DPP9: variants seen among roughly 807,000 people sequenced by gnomAD.
The protein encoded by DPP9 is dipeptidyl peptidase 9, also known as dipeptidyl peptidase IV-related protein-2.
Under a neutral mutation model 110.7 loss-of-function variants are expected in DPP9, and 50 were observed. That is an observed-to-expected ratio of 0.45 (90% CI 0.36 to 0.57). The LOEUF is 0.57. DPP9 is among the 20% of genes least tolerant of loss of function. DPP9 has a pLI of 0.00. For missense variants in DPP9, 1,022 were observed against 1,217.9 expected, an observed-to-expected ratio of 0.84 and a Z score of 2.39; for synonymous variants, 561 against 514.4, an observed-to-expected ratio of 1.09 and a Z score of -1.23.
chr19:4,682,580 C>T lies in DPP9; in HGVS notation c.2474+116G>A. 6.9e-7 allele frequency: 1 copy of T among 1,456,864 alleles called. No individual in the cohort carries two copies. Among genetic ancestry groups the T allele is most frequent in the Non-Finnish European group, 9.2e-7 (1 of 1,086,522 alleles). 90.2% of individuals were successfully genotyped at this position (1,456,864 alleles called of 1,614,324 possible). Reference sequence around the variant, plus strand: ...AGCACAGCGGGGAGGCTCCACATGGCCTGAGGCTCCCTGGGCAGGGCCAGC... The same window carrying T: ...AGCACAGCGGGGAGGCTCCACATGGTCTGAGGCTCCCTGGGCAGGGCCAGC... On this transcript the variant is annotated intron_variant, in intron 20 of 21. Coordinates refer to ENST00000262960, the MANE Select transcript of DPP9 (RefSeq NM_139159.5). This position sits in a 1 kb window ranked among gnomAD's most constrained non-coding sequence, Gnocchi z 7.1.
In DPP9 at chr19:4,710,960, C is replaced by G. The variant is rs945305583; in HGVS notation, c.313+3121G>C. Among the ~76,000 whole-genome samples the G allele has an allele frequency of 1.3e-5, 2 of 152,152 alleles. No homozygotes were observed. Among genetic ancestry groups the G allele is most frequent in the African/African-American group, 4.8e-5 (2 of 41,450 alleles). On this transcript the variant is annotated intron_variant, in intron 4 of 21. Transcript: ENST00000262960. This position sits in a 1 kb window ranked among gnomAD's most constrained non-coding sequence, Gnocchi z 5.6. Reference sequence around the variant, plus strand: ...CCTGTCCCAGCCCCAGACACACACACGAGCCACAGGCGACCCGACGATCTC... The same window carrying G: ...CCTGTCCCAGCCCCAGACACACACAGGAGCCACAGGCGACCCGACGATCTC...
At position 4,689,348 on chromosome 19, in the gene DPP9, G is replaced by A. The variant is rs929336183; in HGVS notation, c.1749+222C>T. Among the ~76,000 whole-genome samples the A allele has an allele frequency of 6.6e-6, 1 of 152,216 alleles. No individual in the cohort carries two copies. The highest frequency in any genetic ancestry group is 2.4e-5 in the African/African-American group (1 of 41,466). Reference sequence around the variant, plus strand: ...AGCCCCAGCTCAGCGGACGGGCACTGGGGGGCTCCACCACTTACTACCCTG... The same window carrying A: ...AGCCCCAGCTCAGCGGACGGGCACTAGGGGGCTCCACCACTTACTACCCTG... On this transcript the variant is annotated intron_variant, in intron 15 of 21. Coordinates refer to ENST00000262960, the MANE Select transcript of DPP9 (RefSeq NM_139159.5). The surrounding 1 kb of genome is among the most constrained non-coding windows in gnomAD (Gnocchi z 7.0).
At position 4,682,856 on chromosome 19, in the gene DPP9, C is replaced by CAGAT; in HGVS notation, c.2332-22_2332-19dup. 6.4e-7 allele frequency: 1 copy of CAGAT among 1,569,962 alleles called. No homozygotes were observed. Among genetic ancestry groups the CAGAT allele is most frequent in the Non-Finnish European group, 8.6e-7 (1 of 1,158,986 alleles). ...ATGGCCACCTGAGGGACACAGCAGA[C>CAGAT]AGATGGGGGCAGAGAGAGAGAGAGA... On this transcript the variant is annotated intron_variant, in intron 19 of 21. Transcript: ENST00000262960. This position sits in a 1 kb window ranked among gnomAD's most constrained non-coding sequence, Gnocchi z 7.1.
At chr19:4,697,032 G>A (rs746567792) in intron 11 of DPP9, among the ~76,000 whole-genome samples, 35 of 152,016 alleles carry the variant, frequency 2.3e-4, no homozygotes, top group Non-Finnish European at 4.4e-4. Flanking sequence ...CTGGGAATTC[G>A]GGGCTGCAGT....
chr19:4,680,670 A>AT (rs1397396950), intron 20 of DPP9, among the ~76,000 whole-genome samples: 2 of 151,286 alleles, frequency 1.3e-5, no homozygotes, highest in Non-Finnish European at 2.9e-5. Context: ...AAAAAAAAAA[A>AT]AAAATGCTGA....
At chr19:4,707,395 C>T (rs977635837) in intron 4 of DPP9, among the ~76,000 whole-genome samples, 3 of 152,078 alleles carry the variant, frequency 2.0e-5, no homozygotes, top group Non-Finnish European at 4.4e-5. Context: ...TGGGAAGCCT[C>T]GGTTTCCCCT....
At position 4,714,316 on chromosome 19, in the gene DPP9, C is replaced by T; in HGVS notation, c.78G>A (p.Gly26=). The change falls in exon 4 of 22, where the codon GGG becomes GGA. Residue 26 remains glycine (G), a synonymous_variant. Transcript: ENST00000262960. ...SWRSFSLNSE[G]AERMATTGTP... is the part of the protein sequence containing the mutation. The stretch of plus-strand genomic sequence containing the variant: ...TCCCGGTGGTGGCCATCCTCTCAGC[C>T]CCCTCGGAATTCAGCGAGAAGCTGC... 6.6e-7 allele frequency: 1 copy of T among 1,518,496 alleles called. No homozygotes were observed. The highest frequency in any genetic ancestry group is 2.4e-5 in the East Asian group (1 of 41,016). The allele number at this position is 1,518,496 out of a possible 1,614,324, so 94.1% of individuals were successfully genotyped here. A position where few individuals can be genotyped will look rare whatever the true frequency, so the allele number is the denominator to read the frequency against.
intron 9 of DPP9, among the ~76,000 whole-genome samples, chr19:4,701,744 G>A (rs1262189615): frequency 2.6e-5 from 4 of 152,338 alleles, no homozygotes; most frequent in Non-Finnish European, 5.9e-5. Context: ...TGGGGCAGTT[G>A]CAAGAGAGCC....
At chr19:4,714,858 C>T (rs1178563764) in intron 3 of DPP9, among the ~76,000 whole-genome samples, 1 of 152,082 alleles carries the variant, frequency 6.6e-6, no homozygotes, top group Non-Finnish European at 1.5e-5. Context: ...GAATCTCATC[C>T]TTCTTATCCC....
rs1296312673 is a variant in DPP9, at chr19:4,718,522, T to C, written c.56+1329A>G. 6.6e-6 allele frequency among the ~76,000 whole-genome samples: 1 copy of C among 152,186 alleles called. No homozygotes were observed. Among genetic ancestry groups the C allele is most frequent in the Non-Finnish European group, 1.5e-5 (1 of 68,002 alleles). On this transcript the variant is annotated intron_variant, in intron 3 of 21. Coordinates refer to ENST00000262960, the MANE Select transcript of DPP9 (RefSeq NM_139159.5). The surrounding 1 kb of genome is among the most constrained non-coding windows in gnomAD (Gnocchi z 4.3). Reference sequence around the variant, plus strand: ...CCGGCCCAGGCCAGGCAAGTGCCCCTGCAAGTGGGGGCTGCCGGGGAAACA... The same window carrying C: ...CCGGCCCAGGCCAGGCAAGTGCCCCCGCAAGTGGGGGCTGCCGGGGAAACA...
intron 13 of DPP9, among the ~76,000 whole-genome samples, chr19:4,692,662 T>C (rs2091430338): frequency 2.0e-5 from 3 of 152,130 alleles, no homozygotes; most frequent in Admixed American, 2.0e-4. Context: ...TCTGTGCCCC[T>C]GGAGAGTGGC....
chr19:4,715,579 G>A (rs969954531), intron 3 of DPP9: 3 of 152,148 alleles, frequency 2.0e-5, no homozygotes, highest in African/African-American at 7.2e-5. Context: ...ACTGTGGAAT[G>A]ATTATCTCTC....
chr19:4,683,589 A>G lies in DPP9; in HGVS notation c.2219T>C (p.Phe740Ser). ...GATGAAGCCATACTTCTCGGCCACG[A>G]ACTGCAGGCCCTCCACCTGGTCCTC... ...EIEDQVEGLQFVAEKYGFIDL... is the reference protein window; with the variant it reads ...EIEDQVEGLQSVAEKYGFIDL... Residue 740 changes from phenylalanine (F) to serine (S), a missense_variant, in exon 19 of 22, where the codon TTC becomes TCC. Physicochemically the swap from Phe to Ser is radical, Grantham distance 155 (BLOSUM62 -2). Coordinates refer to ENST00000262960, the MANE Select transcript of DPP9 (RefSeq NM_139159.5). The G allele has an allele frequency of 6.2e-7, 1 of 1,612,918 alleles. No individual in the cohort carries two copies. The highest frequency in any genetic ancestry group is 8.5e-7 in the Non-Finnish European group (1 of 1,179,652).
At chr19:4,708,239 T>G (rs2092680114) in intron 4 of DPP9, among the ~76,000 whole-genome samples, 1 of 152,182 alleles carries the variant, frequency 6.6e-6, no homozygotes, top group Non-Finnish European at 1.5e-5. Flanking sequence ...CTCCATACCC[T>G]GACCCCCTTG....
At chr19:4,679,503 TCA>T (rs2145280270) in intron 21 of DPP9, 2 of 330,348 alleles carry the variant, frequency 6.1e-6, no homozygotes, top group East Asian at 7.1e-5. Context: ...ACGCAATTTC[TCA>T]GTTTCAAATA....
chr19:4,688,500 G>A, intron 16 of DPP9: 1 of 401,410 alleles, frequency 2.5e-6, no homozygotes. Context: ...GCAGGGGGTT[G>A]GCACGGAGCT....
chr19:4,709,719 G>C (rs1213778064), intron 4 of DPP9, among the ~76,000 whole-genome samples: 2 of 151,954 alleles, frequency 1.3e-5, no homozygotes, highest in Non-Finnish European at 2.9e-5. Flanking sequence ...GCACAACTCT[G>C]TGAATGCGTG....
At position 4,694,812 on chromosome 19, in the gene DPP9, G is replaced by T. The variant is rs2091646890; in HGVS notation, c.1365C>A (p.Ile455=). The change falls in exon 13 of 22, where the codon ATC becomes ATA. Residue 455 remains isoleucine, a synonymous_variant. Transcript: ENST00000262960. This position sits in a 1 kb window ranked among gnomAD's most constrained non-coding sequence, Gnocchi z 4.0. ...VTNVWINVHD[I]FYPFPQSEGE... Reference sequence around the variant, plus strand: ...CCTCTGATTGGGGGAAGGGATAGAAGATGTCATGAACCTGTCCGGAAAGCA... The same window carrying T: ...CCTCTGATTGGGGGAAGGGATAGAATATGTCATGAACCTGTCCGGAAAGCA... 5 of 1,613,854 alleles carry T rather than the reference G, an allele frequency of 3.1e-6. No homozygotes were observed. The South Asian group carries it at 5.5e-5, about 18-fold the overall frequency.
intron 4 of DPP9, among the ~76,000 whole-genome samples, chr19:4,707,664 C>T (rs1405925324): frequency 3.0e-5 from 4 of 132,256 alleles, no homozygotes; most frequent in South Asian, 2.5e-4. Flanking sequence ...CTCGCTCTGT[C>T]GCCCAGACTG....
Sources: allele counts gnomAD v4.1 joint callset (sites outside exome capture counted in the v4.1 genomes callset), GRCh38; gene constraint gnomAD v4.1.1; non-coding constraint Gnocchi (gnomAD v3.1); transcripts MANE v1.5; gene names NCBI Gene and HGNC (gene_info 2026-07-23, HGNC 2026-07-21).